DCUN1D2: variants seen among roughly 807,000 people sequenced by gnomAD.
DCUN1D2 encodes defective in cullin neddylation 1 domain containing 2, also known as DCN1-like protein 2.
In DCUN1D2, 29 loss-of-function variants were observed where a neutral mutation model predicts 30.9. That is an observed-to-expected ratio of 0.94 (90% CI 0.70 to 1.28). The LOEUF is 1.28. Ranked by LOEUF, DCUN1D2 falls within the 50% of genes most tolerant of loss-of-function variation. The pLI is 0.00. For synonymous variants in DCUN1D2, 121 were observed against 115.3 expected, an observed-to-expected ratio of 1.05 and a Z score of -0.32; for missense variants, 325 against 316.9, an observed-to-expected ratio of 1.03 and a Z score of -0.19.
At chr13:113,474,557 T>C (rs115090816) in intron 3 of DCUN1D2, among the ~76,000 whole-genome samples, 2,256 of 152,274 alleles carry the variant, frequency 0.015, 70 homozygotes, top group African/African-American at 0.05. Context: ...AAATATGGTA[T>C]GTGAATTCGA....
At chr13:113,478,022 G>A (rs2139724438) in intron 3 of DCUN1D2, among the ~76,000 whole-genome samples, 1 of 152,288 alleles carries the variant, frequency 6.6e-6, no homozygotes, top group South Asian at 2.1e-4. Context: ...ATTCTCAAAT[G>A]TTCTTCCTTG....
chr13:113,458,584 G>A (rs992386424), intron 6 of DCUN1D2, among the ~76,000 whole-genome samples: 6 of 152,188 alleles, frequency 3.9e-5, no homozygotes, highest in South Asian at 2.1e-4. Context: ...TGGAAGCCGC[G>A]CTTCTGTCAA....
chr13:113,463,984 G>C (rs79346355), intron 4 of DCUN1D2, among the ~76,000 whole-genome samples: 101 of 152,260 alleles, frequency 6.6e-4, no homozygotes, highest in Non-Finnish European at 1.2e-3. Context: ...CTTTGGAAAT[G>C]GTAAACTGAC....
At chr13:113,458,412 A>AC (rs1017339921) in intron 6 of DCUN1D2, among the ~76,000 whole-genome samples, 1 of 151,890 alleles carries the variant, frequency 6.6e-6, no homozygotes, top group Non-Finnish European at 1.5e-5. Context: ...AGCTAAATGG[A>AC]CCCCCGCGGA....
At chr13:113,484,094 C>T (rs772213530) in intron 1 of DCUN1D2, 38 bp from the exon 2 acceptor site, 19 of 1,609,024 alleles carry the variant, frequency 1.2e-5, no homozygotes, top group South Asian at 2.2e-5. Context: ...CCAATGAAGC[C>T]GCTCCAGGTT....
chr13:113,455,905 C>T lies in DCUN1D2; in HGVS notation c.*2124G>A. 1 of 257,046 alleles carries T rather than the reference C, an allele frequency of 3.9e-6. No individual in the cohort carries two copies. The highest frequency in any genetic ancestry group is 7.1e-5 in the East Asian group (1 of 14,004). The allele number at this position is 257,046 out of a possible 1,614,324, so 15.9% of individuals were successfully genotyped here. A position where few individuals can be genotyped will look rare whatever the true frequency, so the allele number is the denominator to read the frequency against. On this transcript the variant is annotated 3_prime_UTR_variant, in exon 7 of 7. Coordinates refer to ENST00000478244, the MANE Select transcript of DCUN1D2 (RefSeq NM_001014283.2). ...GGATACAACAGAAGAAAAAAACCCACAATTTTTGGAAAAGCCTTTGTCCAA... is the reference window on the plus strand; with the variant it reads ...GGATACAACAGAAGAAAAAAACCCATAATTTTTGGAAAAGCCTTTGTCCAA...
chr13:113,469,579 G>A (rs1252330693), intron 4 of DCUN1D2, among the ~76,000 whole-genome samples: 1 of 152,226 alleles, frequency 6.6e-6, no homozygotes, highest in Non-Finnish European at 1.5e-5. Flanking sequence ...TAGCTGGGAG[G>A]CTGAGGTGGG....
intron 3 of DCUN1D2, among the ~76,000 whole-genome samples, chr13:113,474,697 G>A (rs530237280): frequency 3.9e-5 from 6 of 152,176 alleles, no homozygotes; most frequent in Non-Finnish European, 8.8e-5. Flanking sequence ...TGCGGTGACA[G>A]GGCATGAGGT....
At chr13:113,490,907 AACGCCAGCCTGCGGCTGCCAGGCCCC>A (rs1404813653), upstream of DCUN1D2, 1 of 243,478 alleles carries the variant, frequency 4.1e-6, no homozygotes, top group Non-Finnish European at 7.6e-6. The surrounding 1 kb of genome is among the most constrained non-coding windows in gnomAD (Gnocchi z 5.2). Context: ...TGCGGGGTCC[AACGCCAGCCTGCGGCTGCCAGGCCCC>A]ACGCCGGCCA....
Position 113,457,807 on chromosome 13 carries a change from A to C in DCUN1D2, c.*222T>G, listed in dbSNP as rs922563159. 15 of 534,138 alleles carry C rather than the reference A, an allele frequency of 2.8e-5. No homozygotes were observed. The highest frequency in any genetic ancestry group is 2.4e-4 in the African/African-American group (13 of 53,402). 33.1% of individuals were successfully genotyped at this position (534,138 alleles called of 1,614,324 possible). ...ATTTCCTAACGCAAAAGCTATGATGACAAATCTCCAAACATCCCAAAGCAG... is the reference window on the plus strand; with the variant it reads ...ATTTCCTAACGCAAAAGCTATGATGCCAAATCTCCAAACATCCCAAAGCAG... On this transcript the variant is annotated 3_prime_UTR_variant, in exon 7 of 7. Transcript: ENST00000478244.
intron 3 of DCUN1D2, chr13:113,479,219 T>C (rs2044666757): frequency 6.6e-6 from 1 of 152,256 alleles, no homozygotes; most frequent in Non-Finnish European, 1.5e-5. Context: ...GTTACTACGA[T>C]GTGTGTGAAA....
intron 4 of DCUN1D2, among the ~76,000 whole-genome samples, chr13:113,473,284 A>G (rs887398598): frequency 6.6e-6 from 1 of 151,952 alleles, no homozygotes; most frequent in Non-Finnish European, 1.5e-5. Flanking sequence ...TCAGGTGATC[A>G]CTGCACACCT....
chr13:113,460,295 G>A (rs2044297774), intron 5 of DCUN1D2, among the ~76,000 whole-genome samples: 1 of 152,238 alleles, frequency 6.6e-6, no homozygotes, highest in South Asian at 2.1e-4. Context: ...GACTCTAAGT[G>A]GCAAAGTCTG....
chr13:113,470,224 C>T (rs2044478339), intron 4 of DCUN1D2, among the ~76,000 whole-genome samples: 1 of 152,234 alleles, frequency 6.6e-6, no homozygotes, highest in Admixed American at 6.5e-5. Context: ...CAGTCACACG[C>T]TGTCCAGGTT....
chr13:113,462,208 C>A (rs551155981), intron 4 of DCUN1D2, among the ~76,000 whole-genome samples: 62 of 150,488 alleles, frequency 4.1e-4, no homozygotes, highest in Admixed American at 1.1e-3. Context: ...GCCGAGATTG[C>A]GCCACTGCAC....
chr13:113,460,647 G>C (rs970365886), intron 5 of DCUN1D2, among the ~76,000 whole-genome samples: 1 of 152,220 alleles, frequency 6.6e-6, no homozygotes, highest in Admixed American at 6.5e-5. Context: ...ACAATCCGCA[G>C]TTCCGGAGCC....
intron 4 of DCUN1D2, among the ~76,000 whole-genome samples, chr13:113,467,868 AC>A (rs1197754755): frequency 3.3e-5 from 5 of 151,408 alleles, no homozygotes; most frequent in Admixed American, 6.6e-5. Flanking sequence ...ACATGGAGAA[AC>A]CCCATCTCTA....
intron 4 of DCUN1D2, among the ~76,000 whole-genome samples, chr13:113,465,337 T>C (rs1487829573): frequency 6.6e-6 from 1 of 152,082 alleles, no homozygotes. Flanking sequence ...CCTCTGAGAA[T>C]TAAACTGCTC....
At chr13:113,479,391 A>G (rs762176183) in intron 3 of DCUN1D2, among the ~76,000 whole-genome samples, 14 of 152,178 alleles carry the variant, frequency 9.2e-5, no homozygotes, top group Non-Finnish European at 1.8e-4. Context: ...CCTTATCTGT[A>G]GAGTTCCTGT....
Sources: gnomAD v4.1 joint callset for allele counts (sites outside exome capture counted in the v4.1 genomes callset) on GRCh38, gnomAD v4.1.1 for gene constraint, Gnocchi (gnomAD v3.1) non-coding constraint, MANE v1.5 for transcripts, NCBI Gene and HGNC (gene_info 2026-07-23, HGNC 2026-07-21) for gene names.